The following PGBD2 variants were observed in gnomAD, a reference collection of about 807,000 sequenced individuals.
PGBD2 encodes the protein piggyBac transposable element derived 2.
A neutral mutation model predicts 8.1 loss-of-function variants in PGBD2; 6 were observed. The ratio of observed to expected loss-of-function variants is 0.74; its 90% confidence interval spans 0.40 to 1.46. The LOEUF (loss-of-function observed/expected upper bound fraction) is 1.46, where lower values mean the gene tolerates loss of function less well. Among genes scored for constraint, PGBD2 ranks in the 40% most tolerant of loss-of-function variants. The pLI, the probability that PGBD2 is intolerant of heterozygous loss-of-function variation, is 0.02. For missense variants in PGBD2, 802 were observed against 739.0 expected, an observed-to-expected ratio of 1.09 and a Z score of -0.99; for synonymous variants, 318 against 272.2, an observed-to-expected ratio of 1.17 and a Z score of -1.66.
the PGBD2 span, among the ~76,000 whole-genome samples, chr1:248,889,610 G>C: frequency 6.6e-6 from 1 of 152,126 alleles, no homozygotes; most frequent in Non-Finnish European, 1.5e-5. Flanking sequence ...AGCCAGAAAA[G>C]AGCAGACAGT....
the PGBD2 span, among the ~76,000 whole-genome samples, chr1:248,899,761 A>T: frequency 1.3e-5 from 2 of 151,712 alleles, no homozygotes; most frequent in African/African-American, 4.9e-5. Flanking sequence ...AAAAACCCTT[A>T]AAAAAATCAG....
the PGBD2 span, among the ~76,000 whole-genome samples, chr1:248,874,846 T>C: frequency 0.039 from 5,865 of 152,210 alleles, 378 homozygotes; most frequent in African/African-American, 0.13. Flanking sequence ...CACTGGTTAA[T>C]ATTTTGTCAC....
Position 248,917,020 on chromosome 1 carries a change from G to A in PGBD2, c.436G>A (p.Glu146Lys). ...SQELSPVGLF[E>K]LFFDEGTINF... is the part of the protein sequence containing the mutation. ...AGAGCTGAGTCCCGTGGGCCTTTTTGAGTTGTTTTTTGATGAAGGAACAAT... is the reference window on the plus strand; with the variant it reads ...AGAGCTGAGTCCCGTGGGCCTTTTTAAGTTGTTTTTTGATGAAGGAACAAT... Residue 146 changes from glutamate (E) to lysine (K), a missense_variant, in exon 3 of 3, where the codon GAG (glutamate) becomes AAG (lysine). Coordinates refer to ENST00000329291, the MANE Select transcript of PGBD2 (RefSeq NM_170725.3). The A allele has an allele frequency of 6.2e-7, 1 of 1,613,602 alleles. No homozygotes were observed. Among genetic ancestry groups the A allele is most frequent in the South Asian group, 1.1e-5 (1 of 90,946 alleles).
rs1662224107 is a variant in PGBD2, at chr1:248,919,004, C to T, written c.*641C>T. The stretch of plus-strand genomic sequence containing the variant: ...ATTTTTATGGGTTACATGAGATATT[C>T]TGATACAAACATGCAATGTATAAAA... On this transcript the variant is annotated 3_prime_UTR_variant, in exon 3 of 3. Coordinates refer to ENST00000329291, the MANE Select transcript of PGBD2 (RefSeq NM_170725.3). 1 of 166,828 alleles carries T rather than the reference C, an allele frequency of 6.0e-6. No individual in the cohort carries two copies. Among genetic ancestry groups the T allele is most frequent in the Non-Finnish European group, 1.5e-5 (1 of 68,086 alleles). 10.3% of individuals were successfully genotyped at this position (166,828 alleles called of 1,614,324 possible).
upstream of PGBD2, among the ~76,000 whole-genome samples, chr1:248,902,692 T>C (rs1464757526): frequency 2.6e-5 from 4 of 152,192 alleles, no homozygotes; most frequent in Non-Finnish European, 5.9e-5. Flanking sequence ...TCATATCTTT[T>C]TGCAGGGAGA....
the PGBD2 span, among the ~76,000 whole-genome samples, chr1:248,876,905 A>G: frequency 6.6e-6 from 1 of 152,222 alleles, no homozygotes; most frequent in Non-Finnish European, 1.5e-5. Flanking sequence ...TATGTAAATA[A>G]TGTGCTAATA....
chr1:248,921,326 A>G (rs1662283054), downstream of PGBD2, among the ~76,000 whole-genome samples: 1 of 152,318 alleles, frequency 6.6e-6, no homozygotes, highest in East Asian at 1.9e-4. Flanking sequence ...TATAAGGTGT[A>G]AGGAAGGGGT....
At chr1:248,873,784 G>A in the PGBD2 span, among the ~76,000 whole-genome samples, 1 of 152,200 alleles carries the variant, frequency 6.6e-6, no homozygotes, top group South Asian at 2.1e-4. Flanking sequence ...CCGCAACTCG[G>A]GTGTGACGCG....
chr1:248,874,937 GATA>G, the PGBD2 span, among the ~76,000 whole-genome samples: 5 of 150,964 alleles, frequency 3.3e-5, no homozygotes, highest in African/African-American at 1.2e-4. Context: ...TAGATAGATA[GATA>G]GATAGATAGA....
intron 2 of PGBD2, 33 bp from the exon 3 acceptor site, chr1:248,916,569 G>A: frequency 1.9e-6 from 3 of 1,590,314 alleles, no homozygotes; most frequent in South Asian, 2.2e-5. Flanking sequence ...TTCTGGCATG[G>A]CCTCTTCCTG....
At chr1:248,895,964 G>T in the PGBD2 span, among the ~76,000 whole-genome samples, 1 of 151,916 alleles carries the variant, frequency 6.6e-6, no homozygotes, top group African/African-American at 2.4e-5. Flanking sequence ...GGGATTACAG[G>T]CATGAGCTAC....
At chr1:248,884,489 G>A in the PGBD2 span, among the ~76,000 whole-genome samples, 1 of 152,232 alleles carries the variant, frequency 6.6e-6, no homozygotes, top group African/African-American at 2.4e-5. Context: ...TGGGATTACA[G>A]GCACACACCA....
At chr1:248,903,093 G>A (rs1661562595), upstream of PGBD2, among the ~76,000 whole-genome samples, 1 of 151,328 alleles carries the variant, frequency 6.6e-6, no homozygotes, top group South Asian at 2.1e-4. Flanking sequence ...AAACTTCTGT[G>A]CTCAAATGAT....
At chr1:248,903,825 G>C (rs1661575041), upstream of PGBD2, among the ~76,000 whole-genome samples, 1 of 152,156 alleles carries the variant, frequency 6.6e-6, no homozygotes, top group African/African-American at 2.4e-5. Flanking sequence ...TTGTTGGGTA[G>C]GCTGTGATAC....
At chr1:248,898,004 A>T in the PGBD2 span, among the ~76,000 whole-genome samples, 2 of 151,994 alleles carry the variant, frequency 1.3e-5, no homozygotes, top group African/African-American at 4.8e-5. Flanking sequence ...ACCCCGACCC[A>T]TTCCTCCTCA....
chr1:248,916,522 T>G, intron 2 of PGBD2, 80 bp from the exon 3 acceptor site: 2 of 1,259,746 alleles, frequency 1.6e-6, no homozygotes, highest in South Asian at 2.7e-5. Flanking sequence ...TGTTTTATAG[T>G]GGGAGCACCC....
intron 1 of PGBD2, among the ~76,000 whole-genome samples, chr1:248,909,403 G>A (rs1011929443): frequency 2.0e-5 from 3 of 152,118 alleles, no homozygotes; most frequent in African/African-American, 7.2e-5. Context: ...TTTAGTTAGG[G>A]TCAAGCATAT....
chr1:248,881,209 G>A, the PGBD2 span, among the ~76,000 whole-genome samples: 1 of 152,160 alleles, frequency 6.6e-6, no homozygotes, highest in Non-Finnish European at 1.5e-5. Context: ...GAGAGGTGGT[G>A]TGGATCTCTA....
downstream of PGBD2, among the ~76,000 whole-genome samples, chr1:248,924,189 C>T (rs1232209770): frequency 6.6e-6 from 1 of 152,198 alleles, no homozygotes; most frequent in Admixed American, 6.5e-5. Flanking sequence ...AAATCCATCT[C>T]CCAGGTCTTG....
Sources: allele counts gnomAD v4.1 joint callset (sites outside exome capture counted in the v4.1 genomes callset), GRCh38; gene constraint gnomAD v4.1.1; transcripts MANE v1.5; gene names NCBI Gene and HGNC (gene_info 2026-07-23, HGNC 2026-07-21).